The following NAPB variants were observed in gnomAD, a reference collection of about 807,000 sequenced individuals.
NAPB encodes beta-soluble NSF attachment protein.
In NAPB, 26 loss-of-function variants were observed where a neutral mutation model predicts 44.7. The observed-to-expected ratio is 0.58, with a 90% CI of 0.43 to 0.81. NAPB has a LOEUF of 0.81. NAPB is among the 30% of genes least tolerant of loss of function. NAPB has a pLI of 0.00. For missense variants in NAPB, 315 were observed against 356.4 expected, an observed-to-expected ratio of 0.88 and a Z score of 0.94; for synonymous variants, 120 against 116.8, an observed-to-expected ratio of 1.03 and a Z score of -0.18.
chr20:23,399,521 C>A (rs1208037915), intron 2 of NAPB, among the ~76,000 whole-genome samples: 4 of 152,216 alleles, frequency 2.6e-5, no homozygotes, highest in Non-Finnish European at 5.9e-5. Flanking sequence ...ACAATACGTT[C>A]ATTTTCTTTA....
chr20:23,410,208 C>T (rs1985555411), intron 1 of NAPB, among the ~76,000 whole-genome samples: 1 of 152,168 alleles, frequency 6.6e-6, no homozygotes, highest in African/African-American at 2.4e-5. Context: ...CACAAACCTA[C>T]CCCTCCACAG....
chr20:23,417,336 G>A (rs967273289), intron 1 of NAPB, among the ~76,000 whole-genome samples: 24 of 152,120 alleles, frequency 1.6e-4, no homozygotes, highest in African/African-American at 5.1e-4. Context: ...CACCCGCCTC[G>A]GCCTCCCAGA....
intron 8 of NAPB, chr20:23,381,012 C>G (rs1163811525): frequency 1.1e-5 from 6 of 532,248 alleles, no homozygotes; most frequent in Non-Finnish European, 2.0e-5. Flanking sequence ...TGGCTATAAA[C>G]TATCAGGTAA....
chr20:23,386,009 T>C (rs1348727508), intron 7 of NAPB, among the ~76,000 whole-genome samples: 3 of 151,992 alleles, frequency 2.0e-5, no homozygotes. Context: ...AAGTCAACAA[T>C]AGAAAGATTA....
intron 5 of NAPB, among the ~76,000 whole-genome samples, chr20:23,393,193 C>T (rs1316849803): frequency 6.6e-6 from 1 of 152,162 alleles, no homozygotes; most frequent in Non-Finnish European, 1.5e-5. Flanking sequence ...CCATCACCTG[C>T]CTCCAGGATC....
At chr20:23,420,777 C>A (rs1986351409) in intron 1 of NAPB, among the ~76,000 whole-genome samples, 2 of 151,092 alleles carry the variant, frequency 1.3e-5, no homozygotes, top group Admixed American at 6.6e-5. Flanking sequence ...GGGGGGCGAT[C>A]TGGGGTCTCC....
rs1019208192 is a variant in NAPB, at chr20:23,374,979, G to T, written c.*2397C>A. The T allele has an allele frequency of 6.6e-6, 1 of 152,092 alleles. No homozygotes were observed. Among genetic ancestry groups the T allele is most frequent in the Non-Finnish European group, 1.5e-5 (1 of 68,014 alleles). The allele number at this position is 152,092 out of a possible 1,614,324, so 9.4% of individuals were successfully genotyped here. ...ATTGTACCATAAATAATTATATTTT[G>T]TTCATAAGTAACATTCTATAAATCT... On this transcript the variant is annotated 3_prime_UTR_variant, in exon 11 of 11. Transcript: ENST00000377026.
At chr20:23,404,512 C>G (rs1985095582) in intron 1 of NAPB, among the ~76,000 whole-genome samples, 1 of 152,182 alleles carries the variant, frequency 6.6e-6, no homozygotes, top group Admixed American at 6.5e-5. Flanking sequence ...TAGGCAATAA[C>G]TACTAACAGT....
intron 1 of NAPB, among the ~76,000 whole-genome samples, chr20:23,414,958 A>T (rs1985901878): frequency 7.1e-6 from 1 of 141,214 alleles, no homozygotes; most frequent in African/African-American, 2.6e-5. Context: ...TTTAAGTATA[A>T]TATTTTGATT....
intron 1 of NAPB, among the ~76,000 whole-genome samples, chr20:23,408,051 T>C (rs1985376149): frequency 6.6e-6 from 1 of 152,164 alleles, no homozygotes. Context: ...GAAATAAAGT[T>C]GCCTCTAAAA....
intron 2 of NAPB, among the ~76,000 whole-genome samples, chr20:23,402,133 A>G (rs541526800): frequency 1.3e-5 from 2 of 152,340 alleles, no homozygotes; most frequent in Admixed American, 6.5e-5. Flanking sequence ...GAGACCTTTT[A>G]GAATCATCTA....
In NAPB at chr20:23,399,871, C is replaced by T. The variant is rs545228592; in HGVS notation, c.179-2683G>A. Among the ~76,000 whole-genome samples, 21 of 152,344 alleles carry T rather than the reference C, an allele frequency of 1.4e-4. 1 individual carries two copies. The highest frequency in any genetic ancestry group is 2.2e-4 in the Non-Finnish European group (15 of 68,034). ...AGAAGGGCCTGACTCACATTACACA[C>T]GGTGGCCACTTTCATTATTACATGC... On this transcript the variant is annotated intron_variant, in intron 2 of 10. Coordinates refer to ENST00000377026, the MANE Select transcript of NAPB (RefSeq NM_022080.3).
Position 23,374,817 on chromosome 20 carries a change from ATAC to A in NAPB, c.*2556_*2558del, listed in dbSNP as rs16435. 0.3 allele frequency: 45,050 copies of A among 152,186 alleles called. 6,660 individuals carry two copies. Among genetic ancestry groups the A allele is most frequent in the Middle Eastern group, 0.37 (109 of 292 alleles). 9.4% of individuals were successfully genotyped at this position (152,186 alleles called of 1,614,324 possible). On this transcript the variant is annotated 3_prime_UTR_variant, in exon 11 of 11. Transcript: ENST00000377026. ...CACACACGGTCACGACTGTGCAAAA[ATAC>A]TGCTTTCAAATCATTAAATAAAAAA...
chr20:23,376,202 A>G lies in NAPB; in HGVS notation c.*1174T>C, dbSNP rs1221453666. On this transcript the variant is annotated 3_prime_UTR_variant, in exon 11 of 11. Transcript: ENST00000377026. ...GGAGACAAGCGTATGTCTAAAGTAC[A>G]ATATCAGCATATAAATTAATAGGAT... 1 of 152,242 alleles carries G rather than the reference A, an allele frequency of 6.6e-6. No homozygotes were observed. Among genetic ancestry groups the G allele is most frequent in the East Asian group, 1.9e-4 (1 of 5,202 alleles). The allele number at this position is 152,242 out of a possible 1,614,324, so 9.4% of individuals were successfully genotyped here.
At chr20:23,383,666 C>T (rs926350011) in intron 7 of NAPB, among the ~76,000 whole-genome samples, 3 of 152,168 alleles carry the variant, frequency 2.0e-5, no homozygotes, top group African/African-American at 4.8e-5. Context: ...AATTTGTTGT[C>T]AGCAGACCTA....
chr20:23,396,997 G>T, intron 3 of NAPB, 75 bp downstream of exon 3: 1 of 1,460,538 alleles, frequency 6.8e-7, no homozygotes, highest in South Asian at 1.4e-5. Flanking sequence ...CACCAACACT[G>T]ACCTTAACGT....
At chr20:23,403,557 C>A (rs1044047659) in intron 1 of NAPB, among the ~76,000 whole-genome samples, 2 of 149,858 alleles carry the variant, frequency 1.3e-5, no homozygotes, top group African/African-American at 5.0e-5. Flanking sequence ...GAGCTGAGAT[C>A]GTGCCATTGC....
At chr20:23,394,779 A>G (rs1203481639) in intron 5 of NAPB, 143 bp downstream of exon 5, 3 of 694,290 alleles carry the variant, frequency 4.3e-6, no homozygotes, top group Non-Finnish European at 7.3e-6. Flanking sequence ...TTAGCCAGCT[A>G]GTAGACTTTG....
At chr20:23,379,604 G>A in intron 9 of NAPB, 109 bp from the exon 10 acceptor site, 2 of 854,782 alleles carry the variant, frequency 2.3e-6, no homozygotes, top group Non-Finnish European at 3.6e-6. Context: ...ACAAAACTGA[G>A]GAAATACTCA....
Sources: gnomAD v4.1 joint callset for allele counts (sites outside exome capture counted in the v4.1 genomes callset) on GRCh38, gnomAD v4.1.1 for gene constraint, MANE v1.5 for transcripts, NCBI Gene and HGNC (gene_info 2026-07-23, HGNC 2026-07-21) for gene names.